Variants in COPG2 observed in about 807,000 individuals in gnomAD.
COPG2 encodes the protein coatomer subunit gamma-2.
Under a neutral mutation model 46.3 loss-of-function variants are expected in COPG2, and 37 were observed. That is an observed-to-expected ratio of 0.80 (90% CI 0.61 to 1.05). The LOEUF (loss-of-function observed/expected upper bound fraction) is 1.05. Ranked by LOEUF, COPG2 falls within the 50% of genes least tolerant of loss-of-function variation. COPG2 has a pLI of 0.00. For missense variants in COPG2, 427 were observed against 387.8 expected, an observed-to-expected ratio of 1.10 and a Z score of -0.85; for synonymous variants, 159 against 129.7, an observed-to-expected ratio of 1.23 and a Z score of -1.53.
intron 9 of COPG2, among the ~76,000 whole-genome samples, chr7:130,594,270 C>T (rs782509041): frequency 3.9e-5 from 6 of 152,074 alleles, no homozygotes; most frequent in Admixed American, 6.6e-5. Context: ...GAGAACAAAT[C>T]GTTTTTCATG....
intron 9 of COPG2, among the ~76,000 whole-genome samples, chr7:130,598,954 G>A (rs1794581826): frequency 6.6e-6 from 1 of 152,064 alleles, no homozygotes; most frequent in South Asian, 2.1e-4. Flanking sequence ...TGTCTTCTAG[G>A]TTGCAAAGTT....
At chr7:130,516,693 G>A (rs929774566) in intron 20 of COPG2, among the ~76,000 whole-genome samples, 74 of 152,210 alleles carry the variant, frequency 4.9e-4, no homozygotes, top group African/African-American at 1.4e-3. Flanking sequence ...GGAAATGAGA[G>A]TTGGGAATTT....
At chr7:130,646,056 T>C (rs77646065) in intron 5 of COPG2, among the ~76,000 whole-genome samples, 1,971 of 152,330 alleles carry the variant, frequency 0.013, 50 homozygotes, top group African/African-American at 0.044. Context: ...CTCAAGGAAA[T>C]GTCTCAGGAT....
At chr7:130,647,934 G>C (rs879962635) in intron 5 of COPG2, among the ~76,000 whole-genome samples, 1 of 151,966 alleles carries the variant, frequency 6.6e-6, no homozygotes, top group African/African-American at 2.4e-5. Context: ...GTTTCACCGT[G>C]TTAGCCAGGA....
intron 5 of COPG2, among the ~76,000 whole-genome samples, chr7:130,629,634 G>A (rs1315036802): frequency 6.6e-6 from 1 of 152,014 alleles, no homozygotes; most frequent in Non-Finnish European, 1.5e-5. Context: ...GACCTCAGGT[G>A]ATCCACCCAC....
intron 6 of COPG2, among the ~76,000 whole-genome samples, chr7:130,615,053 G>A (rs1794924274): frequency 6.6e-6 from 1 of 152,234 alleles, no homozygotes; most frequent in African/African-American, 2.4e-5. Context: ...TGGAATAGAA[G>A]TGAGTTATGA....
chr7:130,579,878 T>C (rs1794098345), intron 9 of COPG2, among the ~76,000 whole-genome samples: 1 of 152,062 alleles, frequency 6.6e-6, no homozygotes, highest in Non-Finnish European at 1.5e-5. Flanking sequence ...AGACTTAGAC[T>C]CCCATACATT....
intron 5 of COPG2, among the ~76,000 whole-genome samples, chr7:130,640,321 T>A (rs1044608207): frequency 7.2e-5 from 11 of 151,938 alleles, no homozygotes; most frequent in Non-Finnish European, 1.6e-4. Context: ...AACTCACTGT[T>A]GCTATATTGG....
chr7:130,514,234 G>A (rs970708890), intron 20 of COPG2, among the ~76,000 whole-genome samples: 17 of 152,190 alleles, frequency 1.1e-4, no homozygotes. Context: ...GCCCTAATAG[G>A]GCAGCACTTA....
chr7:130,594,496 AC>A (rs1554449453), intron 9 of COPG2, among the ~76,000 whole-genome samples: 1 of 152,220 alleles, frequency 6.6e-6, no homozygotes, highest in Non-Finnish European at 1.5e-5. Flanking sequence ...AGCAAACAAA[AC>A]ACAGAAAAAT....
At chr7:130,615,608 A>C (rs1359677360) in intron 6 of COPG2, among the ~76,000 whole-genome samples, 1 of 152,262 alleles carries the variant, frequency 6.6e-6, no homozygotes, top group Non-Finnish European at 1.5e-5. Flanking sequence ...TATAATTGCA[A>C]CAGCTAAGTT....
intron 5 of COPG2, among the ~76,000 whole-genome samples, chr7:130,628,231 G>A (rs1352540176): frequency 6.6e-6 from 1 of 151,992 alleles, no homozygotes; most frequent in Non-Finnish European, 1.5e-5. Flanking sequence ...TTGTTTCTCT[G>A]CCCATCTCCT....
chr7:130,571,526 A>C (rs1381203412), intron 9 of COPG2, among the ~76,000 whole-genome samples: 2 of 152,218 alleles, frequency 1.3e-5, no homozygotes, highest in African/African-American at 4.8e-5. Flanking sequence ...AAGAATGGCC[A>C]TAATTAAAAA....
At chr7:130,607,232 G>C (rs185588707) in intron 9 of COPG2, among the ~76,000 whole-genome samples, 2 of 147,126 alleles carry the variant, frequency 1.4e-5, no homozygotes, top group Non-Finnish European at 3.0e-5. Flanking sequence ...CAGAGTGAGA[G>C]AGACTGTCAT....
At chr7:130,646,845 TC>T (rs1458800692) in intron 5 of COPG2, among the ~76,000 whole-genome samples, 10 of 151,256 alleles carry the variant, frequency 6.6e-5, no homozygotes, top group Middle Eastern at 3.4e-3. Context: ...TCCTGAGGCC[TC>T]CCCCAGCCAC....
At chr7:130,534,045 T>C (rs1799854995) in intron 20 of COPG2, among the ~76,000 whole-genome samples, 1 of 151,552 alleles carries the variant, frequency 6.6e-6, no homozygotes, top group South Asian at 2.1e-4. Context: ...AACAGGAAGA[T>C]GGAACAAAGA....
intron 5 of COPG2, chr7:130,645,535 G>A (rs577676626): frequency 2.3e-5 from 5 of 215,730 alleles, no homozygotes; most frequent in South Asian, 2.1e-4. Context: ...ATCATGATCC[G>A]GCCACTGCCT....
intron 9 of COPG2, chr7:130,602,840 T>C (rs1268700504): frequency 6.6e-6 from 1 of 152,244 alleles, no homozygotes; most frequent in Non-Finnish European, 1.5e-5. Context: ...ATCCAAGTAC[T>C]AACCAGGCCC....
chr7:130,527,206 G>C (rs1799783147), intron 20 of COPG2, among the ~76,000 whole-genome samples: 1 of 151,722 alleles, frequency 6.6e-6, no homozygotes, highest in Admixed American at 6.6e-5. Flanking sequence ...AAGTGTGTCT[G>C]TAGGGATTTT....
Sources: gnomAD v4.1 joint callset for allele counts (sites outside exome capture counted in the v4.1 genomes callset) on GRCh38, gnomAD v4.1.1 for gene constraint, MANE v1.5 for transcripts, NCBI Gene and HGNC (gene_info 2026-07-23, HGNC 2026-07-21) for gene names.